The following ACOT1 variants were observed in gnomAD, a reference collection of about 807,000 sequenced individuals.
ACOT1 encodes acyl-CoA thioesterase 1.
A neutral mutation model predicts 15.7 loss-of-function variants in ACOT1; 8 were observed. The observed-to-expected ratio is 0.51, with a 90% CI of 0.30 to 0.92. ACOT1 has a LOEUF of 0.92. ACOT1 is among the 40% of genes least tolerant of loss of function. ACOT1 has a pLI of 0.06. For missense variants in ACOT1, 151 were observed against 539.4 expected (o/e 0.28, Z 7.13); for synonymous variants, 67 against 241.2 (o/e 0.28, Z 6.69).
chr14:73,491,533 G>A, the ACOT1 span: 1 of 1,529,148 alleles, frequency 6.5e-7, no homozygotes. Context: ...GGCCGCAGGT[G>A]GATAACACGG....
the ACOT1 span, chr14:73,508,297 G>A: frequency 1.9e-6 from 3 of 1,613,142 alleles, 1 homozygote; most frequent in South Asian, 3.3e-5. Flanking sequence ...ACTGTTACCT[G>A]CCACAGTTGG....
At chr14:73,525,600 AC>A in the ACOT1 span, among the ~76,000 whole-genome samples, 1 of 151,946 alleles carries the variant, frequency 6.6e-6, no homozygotes, top group Non-Finnish European at 1.5e-5. Flanking sequence ...GGCCAAACAG[AC>A]CCCTCCAGCG....
chr14:73,495,081 T>C, the ACOT1 span: 1 of 582,772 alleles, frequency 1.7e-6, no homozygotes. Context: ...ACACAAAGAC[T>C]GAGTGGATGG....
chr14:73,505,163 C>T, the ACOT1 span, among the ~76,000 whole-genome samples: 7 of 152,076 alleles, frequency 4.6e-5, no homozygotes, highest in South Asian at 2.1e-4. Flanking sequence ...GTGATCCACC[C>T]GCCTCAGCCT....
At chr14:73,517,634 G>T in the ACOT1 span, among the ~76,000 whole-genome samples, 1 of 139,252 alleles carries the variant, frequency 7.2e-6, no homozygotes, top group African/African-American at 2.7e-5. Context: ...GTACCACTGT[G>T]CTCAGCCTGG....
chr14:73,491,966 G>A, the ACOT1 span: 1 of 1,613,968 alleles, frequency 6.2e-7, no homozygotes, highest in Non-Finnish European at 8.5e-7. Context: ...TGTGCTTCAA[G>A]AGCAGTTTGG....
chr14:73,525,809 TG>T, the ACOT1 span, among the ~76,000 whole-genome samples: 1 of 151,936 alleles, frequency 6.6e-6, no homozygotes, highest in South Asian at 2.1e-4. Flanking sequence ...AAAAATTAGC[TG>T]GGCGTGGTGG....
chr14:73,491,875 G>A, the ACOT1 span: 1 of 1,611,358 alleles, frequency 6.2e-7, no homozygotes, highest in South Asian at 1.1e-5. Flanking sequence ...CCGCCGCCGC[G>A]TGGTCCCTGT....
the ACOT1 span, chr14:73,491,738 C>G: frequency 6.4e-7 from 1 of 1,554,598 alleles, no homozygotes; most frequent in Non-Finnish European, 8.7e-7. Context: ...CTACCAGGGA[C>G]TTTTCTCTAC....
chr14:73,524,960 A>G, the ACOT1 span, among the ~76,000 whole-genome samples: 8 of 152,076 alleles, frequency 5.3e-5, no homozygotes, highest in Non-Finnish European at 8.8e-5. Flanking sequence ...ACTGTCTTCC[A>G]TGTGTAAAAG....
the ACOT1 span, chr14:73,498,246 G>A: frequency 2.0e-5 from 32 of 1,613,984 alleles, no homozygotes; most frequent in Admixed American, 1.2e-4. Flanking sequence ...AGGATGCTAC[G>A]GCAAGCTTCC....
At chr14:73,492,094 A>G in the ACOT1 span, 2 of 1,613,952 alleles carry the variant, frequency 1.2e-6, no homozygotes, top group African/African-American at 2.7e-5. This position sits in a 1 kb window ranked among gnomAD's most constrained non-coding sequence, Gnocchi z 4.9. Context: ...TCTGGCGTGT[A>G]TACCGACCCC....
At chr14:73,500,527 G>A in the ACOT1 span, 46 of 1,607,250 alleles carry the variant, frequency 2.9e-5, no homozygotes, top group Non-Finnish European at 3.8e-5. Context: ...CAGGTAAGAT[G>A]AGAATATGTT....
the ACOT1 span, chr14:73,531,132 C>T: frequency 8.9e-6 from 1 of 112,646 alleles, no homozygotes; most frequent in Non-Finnish European, 1.9e-5. Flanking sequence ...GGCAAAGGAG[C>T]AGTGTTTCAA....
chr14:73,499,188 G>T, the ACOT1 span: 2 of 1,548,626 alleles, frequency 1.3e-6, no homozygotes, highest in Non-Finnish European at 1.8e-6. Flanking sequence ...GAGCAAGAAT[G>T]AACCAGAAAC....
chr14:73,493,249 C>A, the ACOT1 span: 1 of 730,634 alleles, frequency 1.4e-6, no homozygotes, highest in South Asian at 1.8e-5. Flanking sequence ...CCATGTCGTT[C>A]TGCTTGAGAC....
At chr14:73,521,052 G>A in the ACOT1 span, 2 of 1,609,546 alleles carry the variant, frequency 1.2e-6, no homozygotes, top group East Asian at 2.2e-5. Context: ...TGGCAGGGGT[G>A]AGAAAGGAGG....
At chr14:73,519,429 A>C in the ACOT1 span, among the ~76,000 whole-genome samples, 6 of 151,906 alleles carry the variant, frequency 3.9e-5, no homozygotes, top group Admixed American at 3.3e-4. Flanking sequence ...CCTGGGAGCC[A>C]AGGATGGTGA....
At chr14:73,531,314 G>A in the ACOT1 span, 14 of 112,528 alleles carry the variant, frequency 1.2e-4, 2 homozygotes, top group African/African-American at 4.0e-4. Flanking sequence ...TCAGTCGGGG[G>A]TATATCTTCA....
Sources: gnomAD v4.1 joint callset for allele counts (sites outside exome capture counted in the v4.1 genomes callset) on GRCh38, gnomAD v4.1.1 for gene constraint, Gnocchi (gnomAD v3.1) non-coding constraint, MANE v1.5 for transcripts, NCBI Gene and HGNC (gene_info 2026-07-23, HGNC 2026-07-21) for gene names.